CASR: variants seen among roughly 807,000 people sequenced by gnomAD.
CASR encodes calcium sensing receptor.
In CASR, 23 loss-of-function variants were observed where a neutral mutation model predicts 69.1. The ratio of observed to expected loss-of-function variants is 0.33; its 90% CI spans 0.24 to 0.47. The LOEUF (loss-of-function observed/expected upper bound fraction) is 0.47. Among genes scored for constraint, CASR ranks in the 20% least tolerant of loss-of-function variants. The pLI, the probability that CASR is intolerant of heterozygous loss-of-function variation, is 1.00. For synonymous variants in CASR, 541 were observed against 544.7 expected, an observed-to-expected ratio of 0.99 and a Z score of 0.10; for missense variants, 924 against 1,356.1, an observed-to-expected ratio of 0.68 and a Z score of 5.00.
intron 1 of CASR, among the ~76,000 whole-genome samples, chr3:122,246,125 C>A (rs2074425506): frequency 6.6e-6 from 1 of 152,168 alleles, no homozygotes; most frequent in Non-Finnish European, 1.5e-5. Context: ...ATAAACTTCC[C>A]AGGTCCCTTC....
At chr3:122,238,189 C>T (rs2074347226) in intron 1 of CASR, among the ~76,000 whole-genome samples, 1 of 152,190 alleles carries the variant, frequency 6.6e-6, no homozygotes, top group Non-Finnish European at 1.5e-5. Context: ...GCTGATACCA[C>T]CCCTCCCCTA....
chr3:122,200,880 G>T (rs2073941658), intron 1 of CASR, among the ~76,000 whole-genome samples: 1 of 151,912 alleles, frequency 6.6e-6, no homozygotes. Context: ...TTGAATCATT[G>T]CCAAATTGTT....
At position 122,192,835 on chromosome 3, in the gene CASR, A is replaced by G. The variant is rs559337491; in HGVS notation, c.-243+9023A>G. ...CAGGCGATGATGGTAAGGCTGATCC[A>G]TGGATCACCTCTTTTCTCTGCTCTT... is the stretch of plus-strand genomic sequence containing the variant. On this transcript the variant is annotated intron_variant, in intron 1 of 6. Coordinates refer to ENST00000639785, the MANE Select transcript of CASR (RefSeq NM_000388.4). Among the ~76,000 whole-genome samples, 27 of 152,294 alleles carry G rather than the reference A, an allele frequency of 1.8e-4. No homozygotes were observed. The South Asian group carries it at 2.9e-3, about 16-fold the overall frequency.
At chr3:122,281,751 A>C (rs562563086) in intron 5 of CASR, among the ~76,000 whole-genome samples, 2 of 152,012 alleles carry the variant, frequency 1.3e-5, no homozygotes, top group Middle Eastern at 6.8e-3. Context: ...TTTCTTTCTT[A>C]TGTCCTTTGA....
At chr3:122,195,383 A>G (rs1290625899) in intron 1 of CASR, among the ~76,000 whole-genome samples, 1 of 152,156 alleles carries the variant, frequency 6.6e-6, no homozygotes, top group Non-Finnish European at 1.5e-5. Flanking sequence ...AGATTGAATT[A>G]ATTTTCTTGT....
chr3:122,187,513 G>A (rs1172380907), intron 1 of CASR, among the ~76,000 whole-genome samples: 1 of 152,220 alleles, frequency 6.6e-6, no homozygotes, highest in East Asian at 1.9e-4. Context: ...GTCTGAGAGG[G>A]AGTCATGCTC....
chr3:122,188,237 G>A (rs959378116), intron 1 of CASR, among the ~76,000 whole-genome samples: 2 of 152,168 alleles, frequency 1.3e-5, no homozygotes, highest in African/African-American at 2.4e-5. Context: ...CTGAACCATG[G>A]CGGTCATGGC....
intron 1 of CASR, among the ~76,000 whole-genome samples, chr3:122,187,559 A>G (rs144000231): frequency 8.0e-4 from 122 of 152,318 alleles, no homozygotes; most frequent in African/African-American, 2.7e-3. Flanking sequence ...CATTACAATT[A>G]AAGCATAATC....
chr3:122,203,168 G>A (rs1207354234), intron 1 of CASR, among the ~76,000 whole-genome samples: 1 of 152,182 alleles, frequency 6.6e-6, no homozygotes, highest in African/African-American at 2.4e-5. Flanking sequence ...TAGCCAAGTT[G>A]TGCATTTGCG....
chr3:122,263,614 C>G (rs1304774171), intron 4 of CASR, among the ~76,000 whole-genome samples: 1 of 152,192 alleles, frequency 6.6e-6, no homozygotes, highest in Non-Finnish European at 1.5e-5. Context: ...TTGTATCAGT[C>G]ACTGTAGAGA....
In CASR at chr3:122,183,776, G is replaced by A. The variant is rs1460789929; in HGVS notation, c.-279G>A. The A allele has an allele frequency of 3.9e-5, 6 of 152,230 alleles. No individual in the cohort carries two copies. Among genetic ancestry groups the A allele is most frequent in the Non-Finnish European group, 8.8e-5 (6 of 68,052 alleles). The allele number at this position is 152,230 out of a possible 1,614,324, so 9.4% of individuals were successfully genotyped here. A position where few individuals can be genotyped will look rare whatever the true frequency, so the allele number is the denominator to read the frequency against. On this transcript the variant is annotated 5_prime_UTR_variant, in exon 1 of 7. Transcript: ENST00000639785. ...CTGTTTGCCAGCACCGAGGTCTTGC[G>A]GCACAGGCAACGCTTGACCTGAGTC...
chr3:122,213,854 G>A (rs6776929), intron 1 of CASR, among the ~76,000 whole-genome samples: 23,807 of 152,142 alleles, frequency 0.16, 1,893 homozygotes, highest in Non-Finnish European at 0.17. Flanking sequence ...CCTGACTATT[G>A]CAGCTGTGGT....
At chr3:122,262,531 G>A (rs2074640843) in intron 4 of CASR, 119 bp downstream of exon 4, 1 of 856,804 alleles carries the variant, frequency 1.2e-6, no homozygotes, top group Non-Finnish European at 1.9e-6. Context: ...GCCACTAAAT[G>A]GAGCTTTGGA....
chr3:122,274,774 A>G (rs1361664407), intron 4 of CASR, among the ~76,000 whole-genome samples: 1 of 152,176 alleles, frequency 6.6e-6, no homozygotes, highest in Non-Finnish European at 1.5e-5. Context: ...ATGGGAGACT[A>G]CTGGAGATTC....
chr3:122,251,010 A>C (rs1460446328), intron 1 of CASR, among the ~76,000 whole-genome samples: 1 of 152,170 alleles, frequency 6.6e-6, no homozygotes, highest in African/African-American at 2.4e-5. Context: ...GGGTCCAAGG[A>C]ATGAGGCCAA....
intron 1 of CASR, among the ~76,000 whole-genome samples, chr3:122,220,124 A>G (rs1559942425): frequency 6.6e-6 from 1 of 152,252 alleles, no homozygotes; most frequent in African/African-American, 2.4e-5. Context: ...CAGGGCCACA[A>G]GCATCTCCAT....
intron 3 of CASR, among the ~76,000 whole-genome samples, chr3:122,259,010 G>A (rs577824479): frequency 6.6e-6 from 1 of 152,202 alleles, no homozygotes; most frequent in Admixed American, 6.5e-5. Context: ...AAGCAGACCA[G>A]CTAGACAAAT....
intron 2 of CASR, among the ~76,000 whole-genome samples, chr3:122,256,748 G>C (rs1576853974): frequency 6.6e-6 from 1 of 152,266 alleles, no homozygotes; most frequent in Admixed American, 6.5e-5. Context: ...CTCCCCTGTA[G>C]CTGGGATTAC....
chr3:122,272,308 C>A (rs1393267549), intron 4 of CASR, among the ~76,000 whole-genome samples: 1 of 152,176 alleles, frequency 6.6e-6, no homozygotes, highest in Non-Finnish European at 1.5e-5. Flanking sequence ...AATGTGAAAT[C>A]TAGCCTCTTT....
Sources: gnomAD v4.1 joint callset for allele counts (sites outside exome capture counted in the v4.1 genomes callset) on GRCh38, gnomAD v4.1.1 for gene constraint, MANE v1.5 for transcripts, NCBI Gene and HGNC (gene_info 2026-07-23, HGNC 2026-07-21) for gene names.